Variants in TENT5C observed in about 807,000 individuals in gnomAD.
TENT5C encodes the protein terminal nucleotidyltransferase 5C.
In TENT5C, 5 loss-of-function variants were observed where a neutral mutation model predicts 22.2. The ratio of observed to expected loss-of-function variants is 0.22; its 90% CI spans 0.12 to 0.47. TENT5C has a LOEUF of 0.47. Ranked by LOEUF, TENT5C falls within the 20% of genes least tolerant of loss-of-function variation. The pLI, the probability that TENT5C is intolerant of heterozygous loss-of-function variation, is 0.99. For synonymous variants in TENT5C, 199 were observed against 195.4 expected (o/e 1.02, Z -0.15); for missense variants, 364 against 500.9 (o/e 0.73, Z 2.61).
rs773327698 is a variant in TENT5C, at chr1:117,626,629, C to G, written c.*2585C>G. The G allele has an allele frequency of 2.4e-4, 59 of 247,976 alleles. No homozygotes were observed. The highest frequency in any genetic ancestry group is 4.5e-4 in the Non-Finnish European group (53 of 118,120). 15.4% of individuals were successfully genotyped at this position (247,976 alleles called of 1,614,324 possible). On this transcript the variant is annotated 3_prime_UTR_variant, in exon 2 of 2. Transcript: ENST00000369448. Reference sequence around the variant, plus strand: ...CCTGGAAACTCTAGCTGAAACCTGCCTTTCCTAATGCTCACACAAGCACCA... The same window carrying G: ...CCTGGAAACTCTAGCTGAAACCTGCGTTTCCTAATGCTCACACAAGCACCA...
intron 1 of TENT5C, among the ~76,000 whole-genome samples, chr1:117,619,922 T>C (rs1278402002): frequency 6.6e-6 from 1 of 152,234 alleles, no homozygotes; most frequent in African/African-American, 2.4e-5. Context: ...TTTTGTGATA[T>C]CTGTTACAGG....
intron 1 of TENT5C, among the ~76,000 whole-genome samples, chr1:117,609,443 G>GT (rs1363036603): frequency 6.6e-6 from 1 of 152,016 alleles, no homozygotes; most frequent in Non-Finnish European, 1.5e-5. Context: ...CCTGTAGGAT[G>GT]TTTTTTAGTG....
At chr1:117,622,406 T>G (rs1653913194) in intron 1 of TENT5C, among the ~76,000 whole-genome samples, 1 of 151,984 alleles carries the variant, frequency 6.6e-6, no homozygotes, top group South Asian at 2.1e-4. Context: ...CCTAGACGAA[T>G]GTAGACATTC....
rs1373804336 is a variant in TENT5C at position 117,627,757 on chromosome 1, G to T, written c.*3713G>T. 4.0e-6 allele frequency: 1 copy of T among 248,056 alleles called. No individual in the cohort carries two copies. Among genetic ancestry groups the T allele is most frequent in the East Asian group, 6.0e-5 (1 of 16,598 alleles). The allele number at this position is 248,056 out of a possible 1,614,324, so 15.4% of individuals were successfully genotyped here. ...GACCAAGTCGTGGGGGAGGGGGGCG[G>T]TGTTGAGGAGAGGTATTTTTAAAGA... On this transcript the variant is annotated 3_prime_UTR_variant, in exon 2 of 2. Coordinates refer to ENST00000369448, the MANE Select transcript of TENT5C (RefSeq NM_017709.4).
At position 117,627,750 on chromosome 1, in the gene TENT5C, G is replaced by C. The variant is rs980034910; in HGVS notation, c.*3706G>C. On this transcript the variant is annotated 3_prime_UTR_variant, in exon 2 of 2. Coordinates refer to ENST00000369448, the MANE Select transcript of TENT5C (RefSeq NM_017709.4). ...ATCAGAGGACCAAGTCGTGGGGGAG[G>C]GGGGCGGTGTTGAGGAGAGGTATTT... 8.1e-6 allele frequency: 2 copies of C among 246,032 alleles called. No individual in the cohort carries two copies. The highest frequency in any genetic ancestry group is 4.6e-5 in the African/African-American group (2 of 43,470). 15.2% of individuals were successfully genotyped at this position (246,032 alleles called of 1,614,324 possible).
chr1:117,625,789 C>T lies in TENT5C; in HGVS notation c.*1745C>T, dbSNP rs992088245. ...TTCTGGAATGTGATGTCTTGGTCCTCTTAAAAGCAGATCAGCCATGACTGA... is the reference window on the plus strand; with the variant it reads ...TTCTGGAATGTGATGTCTTGGTCCTTTTAAAAGCAGATCAGCCATGACTGA... On this transcript the variant is annotated 3_prime_UTR_variant, in exon 2 of 2. Coordinates refer to ENST00000369448, the MANE Select transcript of TENT5C (RefSeq NM_017709.4). 2.4e-5 allele frequency: 6 copies of T among 247,954 alleles called. No individual in the cohort carries two copies. Among genetic ancestry groups the T allele is most frequent in the Non-Finnish European group, 4.2e-5 (5 of 118,112 alleles). 15.4% of individuals were successfully genotyped at this position (247,954 alleles called of 1,614,324 possible). A position where few individuals can be genotyped will look rare whatever the true frequency, so the allele number is the denominator to read the frequency against.
intron 1 of TENT5C, among the ~76,000 whole-genome samples, chr1:117,610,565 G>T (rs974992638): frequency 1.3e-5 from 2 of 152,138 alleles, no homozygotes; most frequent in African/African-American, 4.8e-5. Context: ...GTCTTACTCT[G>T]TCGCCAGGCT....
chr1:117,617,383 CTT>C (rs10633030), intron 1 of TENT5C, among the ~76,000 whole-genome samples: 8 of 144,512 alleles, frequency 5.5e-5, no homozygotes, highest in Non-Finnish European at 7.6e-5. Context: ...CTGCAAACCT[CTT>C]TTTTTTTTTT....
intron 1 of TENT5C, among the ~76,000 whole-genome samples, chr1:117,622,316 CGTGTGTGTGTGT>C (rs3050944): frequency 0.14 from 21,264 of 149,496 alleles, 1,792 homozygotes; most frequent in Admixed American, 0.24. Context: ...TGAAGGAAGT[CGTGTGTGTGTGT>C]GTGTGTGTGT....
At position 117,627,883 on chromosome 1, in the gene TENT5C, C is replaced by T. The variant is rs555858305; in HGVS notation, c.*3839C>T. On this transcript the variant is annotated 3_prime_UTR_variant, in exon 2 of 2. Transcript: ENST00000369448. ...GTGTGTGCGTGTGTGTGTTCAAGTG[C>T]CTAAATCTTGTTTACCTATCACTTT... is the stretch of plus-strand genomic sequence containing the variant. The T allele has an allele frequency of 4.0e-5, 10 of 247,200 alleles. No individual in the cohort carries two copies. In the East Asian group the frequency reaches 5.4e-4, roughly 13 times the overall value. 15.3% of individuals were successfully genotyped at this position (247,200 alleles called of 1,614,324 possible). A position where few individuals can be genotyped will look rare whatever the true frequency, so the allele number is the denominator to read the frequency against.
intron 1 of TENT5C, among the ~76,000 whole-genome samples, chr1:117,609,871 C>G (rs1368027548): frequency 1.3e-5 from 2 of 152,024 alleles, no homozygotes; most frequent in Non-Finnish European, 2.9e-5. Context: ...TCTTGGTGGA[C>G]CGAGGCAGGC....
chr1:117,621,352 C>G (rs1045372341), intron 1 of TENT5C, among the ~76,000 whole-genome samples: 1 of 152,198 alleles, frequency 6.6e-6, no homozygotes, highest in African/African-American at 2.4e-5. Flanking sequence ...TTCCTGTTCA[C>G]CCCAACCAGG....
chr1:117,620,053 A>G (rs1235328951), intron 1 of TENT5C, among the ~76,000 whole-genome samples: 2 of 152,166 alleles, frequency 1.3e-5, no homozygotes, highest in Non-Finnish European at 2.9e-5. Flanking sequence ...AGAAGTTCAC[A>G]TACTTTAAAA....
intron 1 of TENT5C, among the ~76,000 whole-genome samples, chr1:117,618,077 G>A (rs1026304949): frequency 6.6e-6 from 1 of 152,078 alleles, no homozygotes; most frequent in African/African-American, 2.4e-5. Flanking sequence ...GAAAAACTAC[G>A]CCATGGACTT....
Position 117,610,307 on chromosome 1 carries a change from T to C in TENT5C, c.-28+4154T>C, listed in dbSNP as rs148566875. ...TGAACCTCCTCTTCAAGACCGTGCCTTTCTGACTCTTTACTCTTGACCCAC... is the reference window on the plus strand; with the variant it reads ...TGAACCTCCTCTTCAAGACCGTGCCCTTCTGACTCTTTACTCTTGACCCAC... On this transcript the variant is annotated intron_variant, in intron 1 of 1. Coordinates refer to ENST00000369448, the MANE Select transcript of TENT5C (RefSeq NM_017709.4). Among the ~76,000 whole-genome samples the C allele has an allele frequency of 5.9e-3, 899 of 152,110 alleles. 10 individuals carry two copies. The highest frequency in any genetic ancestry group is 0.018 in the South Asian group (86 of 4,804).
chr1:117,617,969 C>G (rs531056220), intron 1 of TENT5C, among the ~76,000 whole-genome samples: 1 of 152,198 alleles, frequency 6.6e-6, no homozygotes, highest in African/African-American at 2.4e-5. Context: ...ATTTTATGCT[C>G]TTCCAATGAG....
At position 117,627,315 on chromosome 1, in the gene TENT5C, C is replaced by T. The variant is rs936132007; in HGVS notation, c.*3271C>T. On this transcript the variant is annotated 3_prime_UTR_variant, in exon 2 of 2. Transcript: ENST00000369448. ...CCTGAATCTGCTTATTCTTCAGCTTCACCTCTGCACTAACCCCTTACCCTT... is the reference window on the plus strand; with the variant it reads ...CCTGAATCTGCTTATTCTTCAGCTTTACCTCTGCACTAACCCCTTACCCTT... 69 of 248,184 alleles carry T rather than the reference C, an allele frequency of 2.8e-4. No individual in the cohort carries two copies. The highest frequency in any genetic ancestry group is 4.7e-4 in the Non-Finnish European group (56 of 118,132). The allele number at this position is 248,184 out of a possible 1,614,324, so 15.4% of individuals were successfully genotyped here. A position where few individuals can be genotyped will look rare whatever the true frequency, so the allele number is the denominator to read the frequency against.
Position 117,623,730 on chromosome 1 carries a change from T to G in TENT5C, c.862T>G (p.Leu288Val), listed in dbSNP as rs758092069. ...GGACATCCTTGAACAGCAGAGGAAG[T>G]TGGAGACTTACCTTCAAAACCACTT... ...FPDILEQQRK[L>V]ETYLQNHFAE... is the part of the protein sequence containing the mutation. Residue 288 changes from leucine (L) to valine (V), a missense_variant, in exon 2 of 2, where the codon TTG (leucine) becomes GTG (valine). Transcript: ENST00000369448. 18 of 1,614,000 alleles carry G rather than the reference T, an allele frequency of 1.1e-5. No individual in the cohort carries two copies. The highest frequency in any genetic ancestry group is 1.4e-5 in the Non-Finnish European group (16 of 1,180,034).
rs993143406 is a variant in TENT5C at position 117,626,336 on chromosome 1, G to A, written c.*2292G>A. The A allele has an allele frequency of 8.1e-6, 2 of 247,712 alleles. No homozygotes were observed. The highest frequency in any genetic ancestry group is 4.4e-5 in the African/African-American group (2 of 45,232). 15.3% of individuals were successfully genotyped at this position (247,712 alleles called of 1,614,324 possible). On this transcript the variant is annotated 3_prime_UTR_variant, in exon 2 of 2. Transcript: ENST00000369448. ...TAGTCCTCTTCTGAGAATGAAAGGA[G>A]GCACAGAAGTTGCGAGAAAGACCCA... is the stretch of plus-strand genomic sequence containing the variant.
Sources: allele counts gnomAD v4.1 joint callset (sites outside exome capture counted in the v4.1 genomes callset), GRCh38; gene constraint gnomAD v4.1.1; transcripts MANE v1.5; gene names NCBI Gene and HGNC (gene_info 2026-07-23, HGNC 2026-07-21).